Variants in PPA2 observed in about 807,000 individuals in gnomAD.
PPA2 encodes inorganic pyrophosphatase 2, also known as inorganic pyrophosphatase 2, mitochondrial.
PPA2 carries 48 observed loss-of-function variants against 49.5 expected under a neutral mutation model. The ratio of observed to expected loss-of-function variants is 0.97; its 90% CI spans 0.77 to 1.23. The LOEUF (loss-of-function observed/expected upper bound fraction) is 1.23. Ranked by LOEUF, PPA2 falls within the 50% of genes most tolerant of loss-of-function variation. The pLI is 0.00. For missense variants in PPA2, 429 were observed against 410.1 expected, an observed-to-expected ratio of 1.05 and a Z score of -0.40; for synonymous variants, 131 against 139.9, an observed-to-expected ratio of 0.94 and a Z score of 0.45.
intron 7 of PPA2, among the ~76,000 whole-genome samples, chr4:105,402,188 C>T (rs1035875138): frequency 2.1e-4 from 32 of 151,872 alleles, no homozygotes; most frequent in African/African-American, 7.5e-4. Flanking sequence ...GGGAGGATTG[C>T]TTGAGCCTAG....
intron 4 of PPA2, among the ~76,000 whole-genome samples, chr4:105,448,825 A>T (rs1420553776): frequency 6.6e-6 from 1 of 152,090 alleles, no homozygotes; most frequent in African/African-American, 2.4e-5. Context: ...AAGAAAATTA[A>T]TATGTATATA....
At chr4:105,400,895 T>G (rs1475077575) in intron 7 of PPA2, among the ~76,000 whole-genome samples, 1 of 152,044 alleles carries the variant, frequency 6.6e-6, no homozygotes, top group African/African-American at 2.4e-5. Flanking sequence ...ATAATGGAAA[T>G]AAGAAGTATA....
At chr4:105,376,597 T>C (rs1038644726) in intron 10 of PPA2, among the ~76,000 whole-genome samples, 1 of 152,160 alleles carries the variant, frequency 6.6e-6, no homozygotes, top group Admixed American at 6.5e-5. Flanking sequence ...TTCTATCTGC[T>C]CAGTTTTAGA....
intron 9 of PPA2, among the ~76,000 whole-genome samples, chr4:105,388,781 C>T (rs6855177): frequency 6.8e-6 from 1 of 147,410 alleles, no homozygotes; most frequent in Non-Finnish European, 1.5e-5. Flanking sequence ...GCCGAGATGG[C>T]GCCACTGCAC....
intron 5 of PPA2, 171 bp downstream of exon 5, chr4:105,446,212 A>C (rs185334375): frequency 1.1e-4 from 67 of 608,040 alleles, no homozygotes; most frequent in African/African-American, 1.0e-3. Context: ...TATGGTTTAA[A>C]ACAAAATTTA....
At chr4:105,454,839 T>A (rs572259759) in intron 2 of PPA2, among the ~76,000 whole-genome samples, 35 of 152,204 alleles carry the variant, frequency 2.3e-4, no homozygotes, top group African/African-American at 7.7e-4. Context: ...CCAAAACCCA[T>A]CCTCCTTAGA....
At position 105,369,452 on chromosome 4, in the gene PPA2, T is replaced by A. The variant is rs1578785170; in HGVS notation, c.*273A>T. On this transcript the variant is annotated 3_prime_UTR_variant, in exon 12 of 12. Transcript: ENST00000341695. The stretch of plus-strand genomic sequence containing the variant: ...ACTGGCCAGGCTGGTCTTGAACTCC[T>A]GACCTTGTGATCTGCCCACCTCGGC... 1 of 374,942 alleles carries A rather than the reference T, an allele frequency of 2.7e-6. No homozygotes were observed. The highest frequency in any genetic ancestry group is 3.5e-5 in the South Asian group (1 of 28,730). 23.2% of individuals were successfully genotyped at this position (374,942 alleles called of 1,614,324 possible). A position where few individuals can be genotyped will look rare whatever the true frequency, so the allele number is the denominator to read the frequency against.
At chr4:105,402,945 A>C (rs956528026) in intron 7 of PPA2, among the ~76,000 whole-genome samples, 2 of 152,172 alleles carry the variant, frequency 1.3e-5, no homozygotes, top group African/African-American at 4.8e-5. Context: ...TGAGATGTAC[A>C]TGAGATGTAA....
chr4:105,375,603 G>A (rs1205644922), intron 10 of PPA2, among the ~76,000 whole-genome samples: 1 of 152,192 alleles, frequency 6.6e-6, no homozygotes, highest in East Asian at 1.9e-4. Context: ...TTCTTGTATA[G>A]GTAGTCTGAA....
intron 4 of PPA2, among the ~76,000 whole-genome samples, chr4:105,448,897 C>T (rs1722532731): frequency 6.6e-6 from 1 of 151,976 alleles, no homozygotes; most frequent in South Asian, 2.1e-4. Context: ...ATATACTTAG[C>T]TTTGAGTATT....
At chr4:105,447,358 G>A (rs991174543) in intron 4 of PPA2, among the ~76,000 whole-genome samples, 1 of 152,148 alleles carries the variant, frequency 6.6e-6, no homozygotes, top group African/African-American at 2.4e-5. Context: ...TAAAAGCAGA[G>A]AGTGGAATTA....
intron 2 of PPA2, chr4:105,456,241 C>T: frequency 2.1e-6 from 1 of 475,848 alleles, no homozygotes; most frequent in South Asian, 1.5e-5. Flanking sequence ...CTAGCTCTGG[C>T]ACTTACCAGA....
intron 1 of PPA2, among the ~76,000 whole-genome samples, chr4:105,463,305 C>T (rs964175088): frequency 6.6e-6 from 1 of 151,974 alleles, no homozygotes; most frequent in African/African-American, 2.4e-5. Context: ...TATGCCCCTG[C>T]CCTAGAGATC....
In PPA2 at chr4:105,462,670, T is replaced by C. The variant is rs574036232; in HGVS notation, c.158-5925A>G. On this transcript the variant is annotated intron_variant, in intron 1 of 11. Coordinates refer to ENST00000341695, the MANE Select transcript of PPA2 (RefSeq NM_176869.3). ...TTTTATTCCACCAAATATATTGATA[T>C]GGTTTGGCTGTGTCCCCACCCAAAT... is the stretch of plus-strand genomic sequence containing the variant. Among the ~76,000 whole-genome samples the C allele has an allele frequency of 8.5e-5, 13 of 152,356 alleles. No homozygotes were observed. In the East Asian group the frequency reaches 1.2e-3, roughly 14 times the overall value.
chr4:105,370,595 A>G, intron 11 of PPA2: 1 of 979,964 alleles, frequency 1.0e-6, no homozygotes, highest in South Asian at 4.7e-5. Context: ...TCAGCGAAAA[A>G]AAAAGTCACC....
intron 4 of PPA2, 66 bp from the exon 5 acceptor site, chr4:105,446,568 G>A: frequency 2.7e-6 from 4 of 1,491,442 alleles, no homozygotes; most frequent in Non-Finnish European, 3.6e-6. Context: ...TGTCCAAATA[G>A]TACTTTTAAA....
At chr4:105,422,007 C>T (rs1009975384) in intron 7 of PPA2, among the ~76,000 whole-genome samples, 2 of 151,986 alleles carry the variant, frequency 1.3e-5, no homozygotes, top group African/African-American at 4.8e-5. Context: ...TGTGCCACTG[C>T]ACTCCATCAT....
At chr4:105,420,867 T>C (rs1026612382) in intron 7 of PPA2, among the ~76,000 whole-genome samples, 55 of 152,186 alleles carry the variant, frequency 3.6e-4, no homozygotes, top group African/African-American at 1.3e-3. Context: ...ACTTAATAAA[T>C]AGTATGATAA....
intron 1 of PPA2, among the ~76,000 whole-genome samples, chr4:105,459,300 C>T (rs1336712424): frequency 6.6e-6 from 1 of 152,130 alleles, no homozygotes; most frequent in African/African-American, 2.4e-5. Flanking sequence ...TCATATATTA[C>T]ATCAGATTTC....
Sources: gnomAD v4.1 joint callset for allele counts (sites outside exome capture counted in the v4.1 genomes callset) on GRCh38, gnomAD v4.1.1 for gene constraint, MANE v1.5 for transcripts, NCBI Gene and HGNC (gene_info 2026-07-23, HGNC 2026-07-21) for gene names.